USP18: variants seen among roughly 807,000 people sequenced by gnomAD.
USP18 encodes ubl carboxyl-terminal hydrolase 18.
USP18 carries 11 observed loss-of-function variants against 48.7 expected under a neutral mutation model. That is an observed-to-expected ratio of 0.23 (90% CI 0.14 to 0.37). The LOEUF (loss-of-function observed/expected upper bound fraction) is 0.37. Ranked by LOEUF, USP18 falls within the 10% of genes least tolerant of loss-of-function variation. The pLI, the probability that USP18 is intolerant of heterozygous loss-of-function variation, is 1.00. For synonymous variants in USP18, 114 were observed against 163.2 expected, an observed-to-expected ratio of 0.70 and a Z score of 2.30; for missense variants, 285 against 436.4, an observed-to-expected ratio of 0.65 and a Z score of 3.09.
chr22:18,158,853 C>T (rs1012561236), intron 2 of USP18, among the ~76,000 whole-genome samples: 4 of 152,144 alleles, frequency 2.6e-5, no homozygotes, highest in Non-Finnish European at 4.4e-5. Flanking sequence ...TCCCTGAGCC[C>T]CACAGATGCA....
intron 1 of USP18, among the ~76,000 whole-genome samples, chr22:18,154,907 T>C (rs1345160078): frequency 6.6e-6 from 1 of 152,204 alleles, no homozygotes; most frequent in Admixed American, 6.5e-5. Context: ...GGCTCGTCTT[T>C]CATCAGGAAA....
At chr22:18,169,515 G>A (rs563679486) in intron 6 of USP18, among the ~76,000 whole-genome samples, 1 of 152,360 alleles carries the variant, frequency 6.6e-6, no homozygotes, top group Admixed American at 6.5e-5. Context: ...GGCGGAGATT[G>A]CGGTGAACTG....
intron 1 of USP18, among the ~76,000 whole-genome samples, chr22:18,156,679 C>T (rs745542847): frequency 6.6e-5 from 10 of 152,144 alleles, no homozygotes; most frequent in Non-Finnish European, 1.2e-4. Flanking sequence ...ACACTCACCG[C>T]GAAGGTCTGC....
chr22:18,157,823 C>A lies in USP18; in HGVS notation c.157+3C>A, dbSNP rs1929209692. The A allele has an allele frequency of 6.2e-7, 1 of 1,613,850 alleles. No individual in the cohort carries two copies. The highest frequency in any genetic ancestry group is 8.5e-7 in the Non-Finnish European group (1 of 1,179,900). On this transcript the variant is annotated splice_donor_region_variant and intron_variant, in intron 2 of 10. Coordinates refer to ENST00000215794, the MANE Select transcript of USP18 (RefSeq NM_017414.4). The stretch of plus-strand genomic sequence containing the variant: ...CAGGGCCTGGGACTACCCTCATGGT[C>A]ATTAGACCCCTCCCGTTTTCCTCTT...
rs553878125 is a variant in USP18, at chr22:18,156,316, A to C, written c.-106-1242A>C. ...CAATCAGCAGGATGTGGGTGGGGCC[A>C]GATAAGAGAATAAAAGCAGGCTGCC... On this transcript the variant is annotated intron_variant, in intron 1 of 10. Coordinates refer to ENST00000215794, the MANE Select transcript of USP18 (RefSeq NM_017414.4). 2.0e-5 allele frequency among the ~76,000 whole-genome samples: 3 copies of C among 152,326 alleles called. No individual in the cohort carries two copies. In the East Asian group the frequency reaches 5.8e-4, roughly 29 times the overall value.
chr22:18,151,597 GA>G (rs1569207242), intron 1 of USP18, among the ~76,000 whole-genome samples: 1 of 151,808 alleles, frequency 6.6e-6, no homozygotes, highest in African/African-American at 2.4e-5. Flanking sequence ...TTACAAAGGG[GA>G]AAATGCTTAA....
chr22:18,161,645 C>G (rs1262014306), intron 3 of USP18, 145 bp from the exon 4 acceptor site: 1 of 788,726 alleles, frequency 1.3e-6, no homozygotes, highest in Non-Finnish European at 1.8e-6. Flanking sequence ...TGCCCGCGCC[C>G]CGCCCCCCGG....
Position 18,167,881 on chromosome 22 carries a change from C to T in USP18, c.481-9C>T. 2 of 1,612,240 alleles carry T rather than the reference C, an allele frequency of 1.2e-6. No homozygotes were observed. Among genetic ancestry groups the T allele is most frequent in the African/African-American group, 1.3e-5 (1 of 74,950 alleles). On this transcript the variant is annotated splice_polypyrimidine_tract_variant and intron_variant, in intron 5 of 10. Transcript: ENST00000215794. Reference sequence around the variant, plus strand: ...TTCCCATCTCACCTCTCCGCTCTCCCTCTTGCAGGTGGAGAGACTGCAGGC... The same window carrying T: ...TTCCCATCTCACCTCTCCGCTCTCCTTCTTGCAGGTGGAGAGACTGCAGGC...
Position 18,169,812 on chromosome 22 carries a change from C to T in USP18, c.628-32C>T, listed in dbSNP as rs770295564. ...GTATTCTAGGTGGGAAATACCAACG[C>T]TGCTTTTTCCCTGTTCTCTTGGGTG... On this transcript the variant is annotated intron_variant, in intron 6 of 10. Transcript: ENST00000215794. The T allele has an allele frequency of 6.4e-6, 10 of 1,553,872 alleles. No homozygotes were observed. In the South Asian group the frequency reaches 1.1e-4, roughly 17 times the overall value.
At chr22:18,167,511 C>T (rs1004952684) in intron 5 of USP18, among the ~76,000 whole-genome samples, 177 bp downstream of exon 5, 1 of 152,088 alleles carries the variant, frequency 6.6e-6, no homozygotes, top group Non-Finnish European at 1.5e-5. Flanking sequence ...TCCTGGCTAA[C>T]ACAGTGAAAC....
chr22:18,169,144 T>C (rs1193012080), intron 6 of USP18, among the ~76,000 whole-genome samples: 1 of 152,198 alleles, frequency 6.6e-6, no homozygotes, highest in Non-Finnish European at 1.5e-5. Flanking sequence ...TGTTCAATTG[T>C]AATCCCCAGT....
intron 2 of USP18, among the ~76,000 whole-genome samples, chr22:18,158,668 T>C (rs1301494616): frequency 6.6e-6 from 1 of 152,188 alleles, no homozygotes; most frequent in Non-Finnish European, 1.5e-5. Flanking sequence ...TTATCTTTTG[T>C]TTTTCTCGTA....
chr22:18,151,595 G>C (rs1929001024), intron 1 of USP18, among the ~76,000 whole-genome samples: 1 of 151,990 alleles, frequency 6.6e-6, no homozygotes, highest in African/African-American at 2.4e-5. Flanking sequence ...GCTTACAAAG[G>C]GGAAAATGCT....
At chr22:18,173,363 C>G in intron 9 of USP18, 82 bp downstream of exon 9, 2 of 1,576,870 alleles carry the variant, frequency 1.3e-6, no homozygotes, top group Non-Finnish European at 1.7e-6. Context: ...GCGTGGGTCT[C>G]TGAGATCAAG....
chr22:18,173,779 T>C lies in USP18; in HGVS notation c.1024-14T>C, dbSNP rs1190575861. 3.1e-6 allele frequency: 5 copies of C among 1,607,008 alleles called. No homozygotes were observed. The highest frequency in any genetic ancestry group is 3.4e-6 in the Non-Finnish European group (4 of 1,174,994). ...TCAGCTGGCTGCTTGACCCCATTTG[T>C]TTCTGGCTTCCAGGTGTCCTGGGAA... On this transcript the variant is annotated splice_polypyrimidine_tract_variant and intron_variant, in intron 9 of 10. Transcript: ENST00000215794.
chr22:18,159,006 A>G (rs1929244534), intron 2 of USP18, among the ~76,000 whole-genome samples: 1 of 152,192 alleles, frequency 6.6e-6, no homozygotes, highest in Non-Finnish European at 1.5e-5. Context: ...TTTTGGTGAC[A>G]TCTCACTTTT....
Position 18,160,231 on chromosome 22 carries a change from T to G in USP18, c.217T>G (p.Phe73Val), listed in dbSNP as rs1415745727. The G allele has an allele frequency of 6.2e-7, 1 of 1,614,198 alleles. No homozygotes were observed. Residue 73 changes from phenylalanine (F) to valine (V), a missense_variant, in exon 3 of 11, where the codon TTC (phenylalanine) becomes GTC (valine). This residue lies in a region of USP18 where 199 missense variants were observed against 239.6 expected (regional missense o/e 0.83). Transcript: ENST00000215794. The part of the protein sequence containing the change: ...TCCLNSLIQV[F>V]VMNVDFTRIL... ...CTGCCTTAACTCCTTGATTCAGGTG[T>G]TCGTAATGAATGTGGACTTCACCAG...
intron 3 of USP18, among the ~76,000 whole-genome samples, chr22:18,160,533 A>AC (rs1929300901): frequency 2.6e-5 from 4 of 151,776 alleles, no homozygotes; most frequent in Admixed American, 2.6e-4. Flanking sequence ...CGATCTCCTG[A>AC]CCTCGTGATC....
rs748015057 is a variant in USP18 at position 18,167,962 on chromosome 22, A to T, written c.553A>T (p.Ser185Cys). Reference sequence around the variant, plus strand: ...GATTTGCGTTGACTGTGCCATGGAGAGTAGCAGAAACAGCAGCATGCTCAC... The same window carrying T: ...GATTTGCGTTGACTGTGCCATGGAGTGTAGCAGAAACAGCAGCATGCTCAC... ...SLICVDCAME[S>C]SRNSSMLTLP... is the part of the protein sequence containing the mutation. The change falls in exon 6 of 11, where the codon AGT becomes TGT. Residue 185 changes from serine to cysteine, a missense_variant. Transcript: ENST00000215794. The T allele has an allele frequency of 2.9e-5, 46 of 1,613,934 alleles. No individual in the cohort carries two copies. In the African/African-American group the frequency reaches 5.6e-4, roughly 20 times the overall value.
Sources: allele counts gnomAD v4.1 joint callset (sites outside exome capture counted in the v4.1 genomes callset), GRCh38; gene constraint gnomAD v4.1.1; regional missense constraint gnomAD v4.1.1; transcripts MANE v1.5; gene names NCBI Gene and HGNC (gene_info 2026-07-23, HGNC 2026-07-21).